Variants in STYXL2 observed in about 807,000 individuals in gnomAD.
STYXL2 encodes serine/threonine/tyrosine interacting like 2.
STYXL2 carries 44 observed loss-of-function variants against 52.4 expected under a neutral mutation model. That is an observed-to-expected ratio of 0.84 (90% CI 0.66 to 1.08). The LOEUF is 1.08. STYXL2 is among the 50% of genes least tolerant of loss of function. STYXL2 has a pLI of 0.00. For synonymous variants in STYXL2, 604 were observed against 586.9 expected (o/e 1.03, Z -0.42); for missense variants, 1,604 against 1,471.7 (o/e 1.09, Z -1.47).
chr1:167,116,402 T>C (rs1193103718), intron 3 of STYXL2, among the ~76,000 whole-genome samples: 1 of 152,158 alleles, frequency 6.6e-6, no homozygotes, highest in Non-Finnish European at 1.5e-5. Flanking sequence ...TTGCCACCTG[T>C]CTGTGGGCTG....
chr1:167,115,668 T>TA (rs200809922), intron 3 of STYXL2, among the ~76,000 whole-genome samples: 1,732 of 152,186 alleles, frequency 0.011, 30 homozygotes, highest in African/African-American at 0.039. Flanking sequence ...CGGACTGAAT[T>TA]TGCTATGAAA....
intron 2 of STYXL2, among the ~76,000 whole-genome samples, chr1:167,105,188 T>C (rs1667484770): frequency 7.0e-6 from 1 of 142,352 alleles, no homozygotes; most frequent in African/African-American, 3.1e-5. Flanking sequence ...TTTCCTTTTT[T>C]CCTTTCTGTC....
Position 167,128,349 on chromosome 1 carries a change from A to G in STYXL2, c.3218A>G (p.Glu1073Gly). ...TCCAGGGACTGGGAAGATGTGGAAG[A>G]GTCATCCAAGTCAGACTTCTCTGAA... ...ARSRDWEDVE[E>G]SSKSDFSEFG... is the part of the protein sequence containing the mutation. Residue 1073 changes from glutamate to glycine, a missense_variant, in exon 6 of 6, where the codon GAG becomes GGG. Glu to Gly is a moderately conservative substitution (Grantham distance 98). Transcript: ENST00000361200. 2 of 1,614,176 alleles carry G rather than the reference A, an allele frequency of 1.2e-6. No homozygotes were observed. Among genetic ancestry groups the G allele is most frequent in the Non-Finnish European group, 1.7e-6 (2 of 1,180,024 alleles).
In STYXL2 at chr1:167,128,407, T is replaced by C. The variant is rs1239621004; in HGVS notation, c.3276T>C (p.Phe1092=). ...FGAKRKFTQS[F]MRSEEEGEKE... Reference sequence around the variant, plus strand: ...CCAAGAGGAAGTTCACCCAGAGCTTTATGAGGTCTGAAGAAGAGGGAGAGA... The same window carrying C: ...CCAAGAGGAAGTTCACCCAGAGCTTCATGAGGTCTGAAGAAGAGGGAGAGA... Residue 1092 remains phenylalanine (F), a synonymous_variant, in exon 6 of 6, where the codon TTT becomes TTC. Coordinates refer to ENST00000361200, the MANE Select transcript of STYXL2 (RefSeq NM_001080426.3). The C allele has an allele frequency of 1.2e-6, 2 of 1,613,944 alleles. No homozygotes were observed. The highest frequency in any genetic ancestry group is 1.7e-6 in the Non-Finnish European group (2 of 1,179,980).
At chr1:167,117,587 T>G (rs1667755948) in intron 4 of STYXL2, 28 bp downstream of exon 4, 2 of 1,555,942 alleles carry the variant, frequency 1.3e-6, no homozygotes, top group African/African-American at 2.7e-5. Flanking sequence ...TCATGACCCT[T>G]TGTCCTAACC....
intron 2 of STYXL2, among the ~76,000 whole-genome samples, chr1:167,103,590 G>C (rs1571333035): frequency 6.6e-6 from 1 of 152,194 alleles, no homozygotes; most frequent in Non-Finnish European, 1.5e-5. Context: ...TTTTGCCTGA[G>C]TTAGGCACTA....
Position 167,113,690 on chromosome 1 carries a change from T to A in STYXL2, c.111-20T>A. ...TCAGATGCTACAGGCTTATCTCACG[T>A]GAATATCCTCTTCCCTTAGGTATTC... is the stretch of plus-strand genomic sequence containing the variant. On this transcript the variant is annotated intron_variant, in intron 2 of 5. Coordinates refer to ENST00000361200, the MANE Select transcript of STYXL2 (RefSeq NM_001080426.3). The A allele has an allele frequency of 5.7e-6, 9 of 1,583,380 alleles. No homozygotes were observed. The highest frequency in any genetic ancestry group is 7.8e-6 in the Non-Finnish European group (9 of 1,151,950).
chr1:167,118,701 T>A (rs1170741794), intron 4 of STYXL2, among the ~76,000 whole-genome samples: 1 of 152,190 alleles, frequency 6.6e-6, no homozygotes, highest in Non-Finnish European at 1.5e-5. Context: ...AAACACTAGT[T>A]CTTGTTGTCT....
chr1:167,120,829 CATATATATATATATATAT>C (rs71587032), intron 5 of STYXL2, among the ~76,000 whole-genome samples: 3,792 of 114,872 alleles, frequency 0.033, 178 homozygotes, highest in Non-Finnish European at 0.042. Context: ...GTGTAAATTA[CATATATATATATATATAT>C]ATATATATAT....
rs775550788 is a variant in STYXL2 at position 167,126,815 on chromosome 1, G to A, written c.1684G>A (p.Gly562Arg). The part of the protein sequence containing the change: ...IQFGFHKKDL[G>R]AGDSSGEPGA... ...ATTTGGATTTCACAAGAAAGACTTG[G>A]GAGCGGGAGACAGCAGCGGTGAGCC... The change falls in exon 6 of 6, where the codon GGA becomes AGA. Residue 562 changes from glycine to arginine, a missense_variant. Transcript: ENST00000361200. The A allele has an allele frequency of 6.2e-6, 10 of 1,614,124 alleles. No homozygotes were observed. Among genetic ancestry groups the A allele is most frequent in the South Asian group, 2.2e-5 (2 of 91,096 alleles).
chr1:167,115,654 G>A (rs1399101488), intron 3 of STYXL2, among the ~76,000 whole-genome samples: 2 of 152,044 alleles, frequency 1.3e-5, no homozygotes, highest in East Asian at 1.9e-4. Context: ...CACGGGAAGG[G>A]GAGCGGACTG....
intron 2 of STYXL2, among the ~76,000 whole-genome samples, chr1:167,099,912 C>G (rs751364644): frequency 3.3e-5 from 5 of 152,230 alleles, no homozygotes; most frequent in Non-Finnish European, 2.9e-5. Context: ...TAAATAGAGT[C>G]TGGCATATAT....
chr1:167,094,544 A>G (rs545764143), intron 1 of STYXL2: 1 of 348,104 alleles, frequency 2.9e-6, no homozygotes, highest in African/African-American at 2.1e-5. Context: ...GAGATCAGGT[A>G]ACCTGCTGGC....
chr1:167,127,184 C>T lies in STYXL2; in HGVS notation c.2053C>T (p.Arg685Cys), dbSNP rs370561353. 17 of 1,613,976 alleles carry T rather than the reference C, an allele frequency of 1.1e-5. No homozygotes were observed. The highest frequency in any genetic ancestry group is 2.7e-5 in the African/African-American group (2 of 74,928). ...TTSVLSTQSHRSHLSQAASNI... is the reference protein window; with the variant it reads ...TTSVLSTQSHCSHLSQAASNI... ...GTCAGTACTGAGCACCCAGAGCCAC[C>T]GCTCCCACCTGTCTCAGGCTGCAAG... Residue 685 changes from arginine (R) to cysteine (C), a missense_variant, in exon 6 of 6, where the codon CGC becomes TGC. Coordinates refer to ENST00000361200, the MANE Select transcript of STYXL2 (RefSeq NM_001080426.3).
chr1:167,112,398 T>A (rs1033269988), intron 2 of STYXL2, among the ~76,000 whole-genome samples: 1 of 152,230 alleles, frequency 6.6e-6, no homozygotes, highest in African/African-American at 2.4e-5. Context: ...GTTCTACTAA[T>A]CAATTCAACT....
At chr1:167,125,291 T>C (rs748930986) in intron 5 of STYXL2, among the ~76,000 whole-genome samples, 42 of 152,338 alleles carry the variant, frequency 2.8e-4, no homozygotes, top group Admixed American at 7.8e-4. Flanking sequence ...TATGTGTCCA[T>C]GTGAGCTAAT....
chr1:167,121,966 G>GT (rs1667865669), intron 5 of STYXL2, among the ~76,000 whole-genome samples: 1 of 152,190 alleles, frequency 6.6e-6, no homozygotes, highest in Non-Finnish European at 1.5e-5. Flanking sequence ...AGGTCCTGTG[G>GT]TTTTCTCTGC....
chr1:167,103,302 A>G (rs571734495), intron 2 of STYXL2, among the ~76,000 whole-genome samples: 1 of 152,024 alleles, frequency 6.6e-6, no homozygotes, highest in African/African-American at 2.4e-5. Context: ...AAGACATACC[A>G]TTTTGGAGGG....
intron 3 of STYXL2, among the ~76,000 whole-genome samples, chr1:167,116,206 G>A (rs958624754): frequency 1.3e-5 from 2 of 152,190 alleles, no homozygotes; most frequent in African/African-American, 4.8e-5. Flanking sequence ...CTTAAAGAAA[G>A]AAAGCATCTT....
Sources: allele counts gnomAD v4.1 joint callset (sites outside exome capture counted in the v4.1 genomes callset), GRCh38; gene constraint gnomAD v4.1.1; transcripts MANE v1.5; gene names NCBI Gene and HGNC (gene_info 2026-07-23, HGNC 2026-07-21).